Variants in MKLN1 observed in about 807,000 individuals in gnomAD.
The protein encoded by MKLN1 is muskelin.
In MKLN1, 18 loss-of-function variants were observed where a neutral mutation model predicts 99.0. The observed-to-expected ratio is 0.18, with a 90% CI of 0.13 to 0.27. The LOEUF is 0.27. Among genes scored for constraint, MKLN1 ranks in the 10% least tolerant of loss-of-function variants. The probability of loss-of-function intolerance (pLI) is 1.00; values close to 1 mark genes in which losing one functional copy is unlikely to be tolerated. For synonymous variants in MKLN1, 288 were observed against 293.2 expected, an observed-to-expected ratio of 0.98 and a Z score of 0.18; for missense variants, 621 against 875.9, an observed-to-expected ratio of 0.71 and a Z score of 3.67.
At chr7:131,382,284 G>A (rs1563321250) in intron 2 of MKLN1, among the ~76,000 whole-genome samples, 1 of 151,924 alleles carries the variant, frequency 6.6e-6, no homozygotes, top group Non-Finnish European at 1.5e-5. Flanking sequence ...AGAATCACTT[G>A]AACCTGGGAG....
chr7:131,241,458 G>A (rs910365718), intron 3 of MKLN1, among the ~76,000 whole-genome samples: 1 of 151,234 alleles, frequency 6.6e-6, no homozygotes, highest in African/African-American at 2.4e-5. Context: ...TGTAATTCCA[G>A]CACTTTGGGA....
chr7:131,456,794 C>T (rs1161356204), intron 12 of MKLN1, among the ~76,000 whole-genome samples: 1 of 152,118 alleles, frequency 6.6e-6, no homozygotes, highest in Non-Finnish European at 1.5e-5. Flanking sequence ...CTTTTCCTCT[C>T]TATTTTCCTT....
At chr7:131,249,231 G>T (rs1260683591) in intron 3 of MKLN1, among the ~76,000 whole-genome samples, 1 of 152,192 alleles carries the variant, frequency 6.6e-6, no homozygotes, top group African/African-American at 2.4e-5. Flanking sequence ...AGGTCATTAA[G>T]GATCTCCCTG....
intron 2 of MKLN1, among the ~76,000 whole-genome samples, chr7:131,151,495 C>T (rs1795888197): frequency 6.6e-6 from 1 of 152,126 alleles, no homozygotes; most frequent in African/African-American, 2.4e-5. Context: ...ACAGAATTTC[C>T]GAACCTCAAA....
chr7:131,400,518 A>AAATATATATATATATAT (rs527702723), intron 6 of MKLN1, among the ~76,000 whole-genome samples: 46 of 137,418 alleles, frequency 3.3e-4, no homozygotes, highest in African/African-American at 8.7e-4. Context: ...ATAAAAAAAA[A>AAATATATATATATATAT]ATATATATAT....
At chr7:131,168,258 C>G (rs1796164242) in intron 2 of MKLN1, among the ~76,000 whole-genome samples, 2 of 152,136 alleles carry the variant, frequency 1.3e-5, no homozygotes, top group South Asian at 4.1e-4. Flanking sequence ...ACATCAATGG[C>G]TGGCCCTACA....
At chr7:131,465,977 C>T (rs1796650675) in intron 14 of MKLN1, among the ~76,000 whole-genome samples, 1 of 152,112 alleles carries the variant, frequency 6.6e-6, no homozygotes, top group Admixed American at 6.5e-5. Flanking sequence ...TTGTCCTCAG[C>T]AAATAATATC....
At position 131,241,527 on chromosome 7, in the gene MKLN1, T is replaced by G. The variant is rs1210836892; in HGVS notation, c.-179+38553T>G. On this transcript the variant is annotated intron_variant, in intron 3 of 7. Transcript: ENST00000416992. ...TTCAAGGCCATCCTGGCCAACATAG[T>G]GAGAACTTGTCGCTACAAAAATTTT... Among the ~76,000 whole-genome samples, 5 of 152,138 alleles carry G rather than the reference T, an allele frequency of 3.3e-5. No individual in the cohort carries two copies. In the South Asian group the frequency reaches 1.0e-3, roughly 31 times the overall value.
chr7:131,168,256 G>A (rs1796164207), intron 2 of MKLN1, among the ~76,000 whole-genome samples: 1 of 152,082 alleles, frequency 6.6e-6, no homozygotes, highest in African/African-American at 2.4e-5. Flanking sequence ...TGACATCAAT[G>A]GCTGGCCCTA....
At chr7:131,127,177 A>AG (rs1795476753) in intron 1 of MKLN1, among the ~76,000 whole-genome samples, 2 of 126,324 alleles carry the variant, frequency 1.6e-5, no homozygotes, top group African/African-American at 6.6e-5. Context: ...AAAAAAAAAA[A>AG]AAAAAGAAAG....
chr7:131,316,574 C>A (rs975252668), intron 3 of MKLN1, among the ~76,000 whole-genome samples: 2 of 152,134 alleles, frequency 1.3e-5, no homozygotes, highest in African/African-American at 4.8e-5. Context: ...AACTCCTCTC[C>A]AGCAAGGACA....
At chr7:131,404,685 G>A (rs913850139) in intron 6 of MKLN1, among the ~76,000 whole-genome samples, 2 of 151,786 alleles carry the variant, frequency 1.3e-5, no homozygotes, top group African/African-American at 4.8e-5. Flanking sequence ...GCTCACTACA[G>A]CCTTGACCTC....
rs1317041544 is a variant in MKLN1, at chr7:131,162,709, G to A, written c.-297+19768G>A. 2.6e-5 allele frequency among the ~76,000 whole-genome samples: 4 copies of A among 152,254 alleles called. No homozygotes were observed. In the East Asian group the frequency reaches 7.7e-4, roughly 29 times the overall value. ...AAATCCGAAATACTTGTGGTCCCAA[G>A]CATTTCGAATAAGAGATGCTCAACC... On this transcript the variant is annotated intron_variant, in intron 2 of 7. Coordinates refer to the MKLN1 transcript ENST00000416992.
chr7:131,444,767 AGTAGTAGTAGT>A (rs1795955489), intron 11 of MKLN1, among the ~76,000 whole-genome samples: 9 of 17,542 alleles, frequency 5.1e-4, no homozygotes, highest in African/African-American at 2.1e-3. Flanking sequence ...TAGAAGAAGT[AGTAGTAGTAGT>A]AGTAGTAGTA....
chr7:131,317,960 C>G (rs566209680), intron 3 of MKLN1, among the ~76,000 whole-genome samples: 3 of 152,200 alleles, frequency 2.0e-5, no homozygotes, highest in African/African-American at 7.2e-5. Flanking sequence ...ATTCATAAAA[C>G]AAGTTCTTAG....
intron 9 of MKLN1, among the ~76,000 whole-genome samples, chr7:131,432,748 C>G (rs1280186327): frequency 6.6e-6 from 1 of 152,124 alleles, no homozygotes; most frequent in Non-Finnish European, 1.5e-5. Flanking sequence ...GCCTGGCCCT[C>G]AAGTGGCATT....
At chr7:131,158,284 A>G (rs1273509848) in intron 2 of MKLN1, among the ~76,000 whole-genome samples, 1 of 152,146 alleles carries the variant, frequency 6.6e-6, no homozygotes, top group Admixed American at 6.6e-5. Context: ...TACTAAAAAT[A>G]TAAAAAAATC....
At chr7:131,346,719 T>A (rs1799573955) in intron 1 of MKLN1, among the ~76,000 whole-genome samples, 1 of 152,196 alleles carries the variant, frequency 6.6e-6, no homozygotes. Context: ...TCGAATTACT[T>A]GTGAATCTTT....
chr7:131,122,936 C>T (rs888613433), intron 1 of MKLN1, among the ~76,000 whole-genome samples: 1 of 137,442 alleles, frequency 7.3e-6, no homozygotes, highest in African/African-American at 2.7e-5. Context: ...GGCAGGAGAA[C>T]GGCGTGAACC....
Sources: gnomAD v4.1 joint callset for allele counts (sites outside exome capture counted in the v4.1 genomes callset) on GRCh38, gnomAD v4.1.1 for gene constraint, MANE v1.5 for transcripts, NCBI Gene and HGNC (gene_info 2026-07-23, HGNC 2026-07-21) for gene names.